The following FTSJ3 variants were observed in gnomAD, a reference collection of about 807,000 sequenced individuals.
The protein encoded by FTSJ3 is FtsJ RNA 2'-O-methyltransferase 3.
FTSJ3 carries 46 observed loss-of-function variants against 111.5 expected under a neutral mutation model. That is an observed-to-expected ratio of 0.41 (90% CI 0.33 to 0.53). The LOEUF (loss-of-function observed/expected upper bound fraction) is 0.53. Among genes scored for constraint, FTSJ3 ranks in the 20% least tolerant of loss-of-function variants. FTSJ3 has a pLI of 0.19. For synonymous variants in FTSJ3, 408 were observed against 383.0 expected (o/e 1.07, Z -0.76); for missense variants, 1,075 against 1,063.8 (o/e 1.01, Z -0.15).
rs1330707208 is a variant in FTSJ3 at position 63,826,678 on chromosome 17, C to T, written c.68-6G>A. ...AGCAGATCGGGAACGGTAACCTGGACAAAACAACCAAGTGCGCAAACTGCT... is the reference window on the plus strand; with the variant it reads ...AGCAGATCGGGAACGGTAACCTGGATAAAACAACCAAGTGCGCAAACTGCT... On this transcript the variant is annotated splice_region_variant and splice_polypyrimidine_tract_variant and intron_variant, in intron 2 of 20. Transcript: ENST00000427159. The T allele has an allele frequency of 6.2e-7, 1 of 1,611,540 alleles. No homozygotes were observed. Among genetic ancestry groups the T allele is most frequent in the Non-Finnish European group, 8.5e-7 (1 of 1,177,968 alleles).
In FTSJ3 at chr17:63,819,990, A is replaced by G; in HGVS notation, c.2356T>C (p.Tyr786His). The change falls in exon 21 of 21, where the codon TAC becomes CAC. Residue 786 changes from tyrosine to histidine, a missense_variant. Coordinates refer to ENST00000427159, the MANE Select transcript of FTSJ3 (RefSeq NM_017647.4). ...TCCTTGCCAAGCCCAGCCTTCTTGT[A>G]GAGACTACAGGGGGGAAGAGAAGAG... ...REKVAQLRSL[Y>H]KKAGLGKEKR... 1 of 1,614,084 alleles carries G rather than the reference A, an allele frequency of 6.2e-7. No individual in the cohort carries two copies. Among genetic ancestry groups the G allele is most frequent in the Non-Finnish European group, 8.5e-7 (1 of 1,179,992 alleles).
rs528928402 is a variant in FTSJ3 at position 63,820,322 on chromosome 17, C to T, written c.2189G>A (p.Arg730His). Residue 730 changes from arginine to histidine, a missense_variant, in exon 19 of 21, where the codon CGC becomes CAC. Physicochemically the swap from Arg to His is conservative, Grantham distance 29 (BLOSUM62 0). Coordinates refer to ENST00000427159, the MANE Select transcript of FTSJ3 (RefSeq NM_017647.4). ...GGGACGTGCATTGATTTCCCGCCAG[C>T]GTTTCCGGTAATGCTCCACCTCCTT... Reference protein sequence around the residue: ...GKKEVEHYRKRWREINARPIK... With the variant: ...GKKEVEHYRKHWREINARPIK... 80 of 1,613,792 alleles carry T rather than the reference C, an allele frequency of 5.0e-5. No individual in the cohort carries two copies. The highest frequency in any genetic ancestry group is 4.5e-4 in the East Asian group (20 of 44,856).
rs1482718696 is a variant in FTSJ3, at chr17:63,821,519, G to T, written c.1721C>A (p.Pro574His). 6.2e-7 allele frequency: 1 copy of T among 1,614,120 alleles called. No individual in the cohort carries two copies. The highest frequency in any genetic ancestry group is 1.7e-5 in the Admixed American group (1 of 60,026). ...TATCTCAGTCTTCAAACAGGAAGGG[G>T]GTGTCTGTGGCAGCTGCTGCTTCTG... is the stretch of plus-strand genomic sequence containing the variant. Reference protein sequence around the residue: ...QQQKQQLPQTPPSCLKTEIMS... With the variant: ...QQQKQQLPQTHPSCLKTEIMS... Residue 574 changes from proline to histidine, a missense_variant, in exon 16 of 21, where the codon CCC (proline) becomes CAC (histidine). Physicochemically the swap from Pro to His is moderately conservative, Grantham distance 77. Coordinates refer to ENST00000427159, the MANE Select transcript of FTSJ3 (RefSeq NM_017647.4).
rs750869186 is a variant in FTSJ3, at chr17:63,827,475, C to G, written c.-450G>C. On this transcript the variant is annotated 5_prime_UTR_variant, in exon 1 of 21. Transcript: ENST00000427159. ...AAGACGGCTCGGATGCCGGCGGTCT[C>G]TGCTGAAGAGAGAAGATGGCGCTTG... 6.4e-7 allele frequency: 1 copy of G among 1,551,734 alleles called. No homozygotes were observed. The highest frequency in any genetic ancestry group is 8.7e-7 in the Non-Finnish European group (1 of 1,147,010).
rs1469159794 is a variant in FTSJ3, at chr17:63,822,035, G to C, written c.1424C>G (p.Pro475Arg). 2.5e-6 allele frequency: 4 copies of C among 1,613,942 alleles called. No homozygotes were observed. The highest frequency in any genetic ancestry group is 2.7e-5 in the African/African-American group (2 of 74,850). Reference protein sequence around the residue: ...DDTSLDSDLDPEELAGVRGHQ... With the variant: ...DDTSLDSDLDREELAGVRGHQ... ...TCCCCTGACTCCTGCCAGCTCCTCT[G>C]GATCCAGGTCACTATCCAGAGATGT... The change falls in exon 14 of 21, where the codon CCA (proline) becomes CGA (arginine). Residue 475 changes from proline (P) to arginine (R), a missense_variant. Coordinates refer to ENST00000427159, the MANE Select transcript of FTSJ3 (RefSeq NM_017647.4).
intron 12 of FTSJ3, 50 bp downstream of exon 12, chr17:63,824,034 A>C (rs1284582159): frequency 6.2e-7 from 1 of 1,613,500 alleles, no homozygotes; most frequent in Admixed American, 1.7e-5. Context: ...TCCCATCTTC[A>C]CACAGTCCCT....
chr17:63,826,586 A>G lies in FTSJ3; in HGVS notation c.154T>C (p.Cys52Arg). The G allele has an allele frequency of 6.2e-7, 1 of 1,613,854 alleles. No homozygotes were observed. Residue 52 changes from cysteine (C) to arginine (R), a missense_variant, in exon 3 of 21, where the codon TGT (cysteine) becomes CGT (arginine). Transcript: ENST00000427159. ...ACGAACCATCCCCCTGGCGCAGCAC[A>G]CAGGTCCAGCAAGGCTCGGGCTTTC... ...LQKARALLDL[C>R]AAPGGWLQVA... is the part of the protein sequence containing the mutation.
In FTSJ3 at chr17:63,827,583, A is replaced by C. The variant is rs1286994440; in HGVS notation, c.-558T>G. On this transcript the variant is annotated 5_prime_UTR_variant, in exon 1 of 21. Coordinates refer to ENST00000427159, the MANE Select transcript of FTSJ3 (RefSeq NM_017647.4). ...TGCGGAGCGAGCGTGATCTGAGTGGAGAGCGGGCCGGGGCAGGAGCGTCGG... is the reference window on the plus strand; with the variant it reads ...TGCGGAGCGAGCGTGATCTGAGTGGCGAGCGGGCCGGGGCAGGAGCGTCGG... 3 of 1,550,442 alleles carry C rather than the reference A, an allele frequency of 1.9e-6. No homozygotes were observed. The East Asian group carries it at 7.3e-5, about 38-fold the overall frequency.
intron 13 of FTSJ3, among the ~76,000 whole-genome samples, chr17:63,823,187 A>G (rs1033539388): frequency 3.3e-5 from 5 of 152,262 alleles, no homozygotes; most frequent in African/African-American, 1.2e-4. Context: ...TCAATGAACT[A>G]AAGAATGCTG....
rs1482718696 is a variant in FTSJ3 at position 63,821,519 on chromosome 17, G to A, written c.1721C>T (p.Pro574Leu). Residue 574 changes from proline to leucine, a missense_variant, in exon 16 of 21, where the codon CCC becomes CTC. Pro to Leu is a moderately conservative substitution (Grantham distance 98). Around this residue, in one of 2 missense-constraint regions of FTSJ3, gnomAD observed 867 missense variants for 796.9 expected, o/e 1.09. Transcript: ENST00000427159. ...TATCTCAGTCTTCAAACAGGAAGGGGGTGTCTGTGGCAGCTGCTGCTTCTG... is the reference window on the plus strand; with the variant it reads ...TATCTCAGTCTTCAAACAGGAAGGGAGTGTCTGTGGCAGCTGCTGCTTCTG... ...QQQKQQLPQT[P>L]PSCLKTEIMS... 6.2e-7 allele frequency: 1 copy of A among 1,614,120 alleles called. No homozygotes were observed. The highest frequency in any genetic ancestry group is 8.5e-7 in the Non-Finnish European group (1 of 1,180,042).
In FTSJ3 at chr17:63,821,392, TGA is replaced by T. The variant is rs1441044310; in HGVS notation, c.1846_1847del (p.Ser616ArgfsTer3). On this transcript the variant is annotated frameshift_variant, in exon 16 of 21. Transcript: ENST00000427159. LOFTEE classifies it high-confidence loss of function. Reference protein sequence around the residue: ...GLEGEEKDGISDSDSSTSSEE... With the variant: ...GLEGEEKDGIXDSDSSTSSEE... ...CACTGCTAGTACTGCTATCACTGTC[TGA>T]GATGCCATCCTTTTCTTCCCCTTCA... 3.7e-6 allele frequency: 6 copies of T among 1,613,656 alleles called. No individual in the cohort carries two copies. The South Asian group carries it at 6.6e-5, about 18-fold the overall frequency.
Position 63,826,314 on chromosome 17 carries a change from G to T in FTSJ3, c.174-10C>A. The stretch of plus-strand genomic sequence containing the variant: ...GGCAGCTACCTGCAGCCTATAAAAG[G>T]AACAGAAATTTAAAAACCTAGAGCC... On this transcript the variant is annotated splice_polypyrimidine_tract_variant and intron_variant, in intron 3 of 20. Coordinates refer to ENST00000427159, the MANE Select transcript of FTSJ3 (RefSeq NM_017647.4). The T allele has an allele frequency of 1.9e-6, 3 of 1,613,746 alleles. No individual in the cohort carries two copies. Among genetic ancestry groups the T allele is most frequent in the Admixed American group, 1.7e-5 (1 of 60,022 alleles).
At chr17:63,820,519 G>T in intron 18 of FTSJ3, 81 bp from the exon 19 acceptor site, 1 of 1,407,696 alleles carries the variant, frequency 7.1e-7, no homozygotes, top group Non-Finnish European at 9.9e-7. Flanking sequence ...GGTGGCTCAC[G>T]CCTGTAATCC....
Position 63,820,186 on chromosome 17 carries a change from C to A in FTSJ3, c.2257-13G>T, listed in dbSNP as rs1198859271. 3 of 1,614,068 alleles carry A rather than the reference C, an allele frequency of 1.9e-6. No homozygotes were observed. In the South Asian group the frequency reaches 3.3e-5, roughly 18 times the overall value. ...GCCTCTTCAGCATCTGCAAAGGAAC[C>A]TGTCAGGTGACCTCTTCCCCATCCC... On this transcript the variant is annotated splice_polypyrimidine_tract_variant and intron_variant, in intron 19 of 20. Coordinates refer to ENST00000427159, the MANE Select transcript of FTSJ3 (RefSeq NM_017647.4).
At chr17:63,821,007 T>G in intron 17 of FTSJ3, 23 bp downstream of exon 17, 1 of 1,609,118 alleles carries the variant, frequency 6.2e-7, no homozygotes, top group Non-Finnish European at 8.5e-7. Flanking sequence ...CTTTTCTCAT[T>G]CCACTGCATA....
intron 18 of FTSJ3, 69 bp downstream of exon 18, chr17:63,820,770 A>G (rs2040041727): frequency 9.1e-7 from 1 of 1,098,100 alleles, no homozygotes; most frequent in African/African-American, 1.6e-5. Flanking sequence ...ACTCCATCTC[A>G]AAAACAAAAA....
At chr17:63,824,605 C>T (rs1216457835) in intron 10 of FTSJ3, 32 bp downstream of exon 10, 3 of 1,557,926 alleles carry the variant, frequency 1.9e-6, no homozygotes, top group South Asian at 1.1e-5. Context: ...GCCTCCAGGG[C>T]TCCTGGCCCC....
At position 63,822,146 on chromosome 17, in the gene FTSJ3, C is replaced by G. The variant is rs754393764; in HGVS notation, c.1313G>C (p.Gly438Ala). 6.2e-7 allele frequency: 1 copy of G among 1,613,994 alleles called. No individual in the cohort carries two copies. The highest frequency in any genetic ancestry group is 1.1e-5 in the South Asian group (1 of 91,046). Residue 438 changes from glycine (G) to alanine (A), a missense_variant, in exon 14 of 21, where the codon GGG becomes GCG. Physicochemically the swap from Gly to Ala is moderately conservative, Grantham distance 60. Around this residue, in one of 2 missense-constraint regions of FTSJ3, gnomAD observed 867 missense variants for 796.9 expected, o/e 1.09. Coordinates refer to ENST00000427159, the MANE Select transcript of FTSJ3 (RefSeq NM_017647.4). ...GHQLLEEVTQ[G>A]DMSAADTFLS... Reference sequence around the variant, plus strand: ...AAATGTGTCTGCTGCACTCATATCCCCTTGTGTTACTTCCTCTAATAACTG... The same window carrying G: ...AAATGTGTCTGCTGCACTCATATCCGCTTGTGTTACTTCCTCTAATAACTG...
In FTSJ3 at chr17:63,824,193, C is replaced by G; in HGVS notation, c.1045G>C (p.Ala349Pro). 1 of 1,614,186 alleles carries G rather than the reference C, an allele frequency of 6.2e-7. No individual in the cohort carries two copies. The highest frequency in any genetic ancestry group is 8.5e-7 in the Non-Finnish European group (1 of 1,180,032). ...TTAGAGGGCTGCTTTGTGGTTCCAGCTGTTGAGTCCTCCTCATCACCTTCA... is the reference window on the plus strand; with the variant it reads ...TTAGAGGGCTGCTTTGTGGTTCCAGGTGTTGAGTCCTCCTCATCACCTTCA... ...EDEGDEEDSTAGTTKQPSKEE... is the reference protein window; with the variant it reads ...EDEGDEEDSTPGTTKQPSKEE... Residue 349 changes from alanine (A) to proline (P), a missense_variant, in exon 12 of 21, where the codon GCT (alanine) becomes CCT (proline). This residue lies in a region of FTSJ3 where 867 missense variants were observed against 796.9 expected (regional missense o/e 1.09). Transcript: ENST00000427159.
Sources: gnomAD v4.1 joint callset for allele counts (sites outside exome capture counted in the v4.1 genomes callset) on GRCh38, gnomAD v4.1.1 for gene constraint, gnomAD v4.1.1 regional missense constraint, MANE v1.5 for transcripts, NCBI Gene and HGNC (gene_info 2026-07-23, HGNC 2026-07-21) for gene names.